SLC35F3: variants seen among roughly 807,000 people sequenced by gnomAD.
SLC35F3 encodes putative thiamine transporter SLC35F3.
SLC35F3 carries 25 observed loss-of-function variants against 49.9 expected under a neutral mutation model. The ratio of observed to expected loss-of-function variants is 0.50; its 90% CI spans 0.37 to 0.70. The LOEUF is 0.70. SLC35F3 is among the 30% of genes least tolerant of loss of function. The pLI, the probability that SLC35F3 is intolerant of heterozygous loss-of-function variation, is 0.00. For synonymous variants in SLC35F3, 275 were observed against 265.4 expected (o/e 1.04, Z -0.35); for missense variants, 525 against 639.8 (o/e 0.82, Z 1.94).
intron 2 of SLC35F3, among the ~76,000 whole-genome samples, chr1:234,068,738 G>T (rs1022012059): frequency 1.4e-5 from 2 of 146,796 alleles, no homozygotes; most frequent in South Asian, 4.3e-4. Context: ...CTTGCAGACC[G>T]CTGTAAATGC....
intron 2 of SLC35F3, among the ~76,000 whole-genome samples, chr1:233,960,488 G>C (rs1016341106): frequency 2.6e-5 from 4 of 152,152 alleles, no homozygotes; most frequent in African/African-American, 9.7e-5. Context: ...TGTCTCACTG[G>C]GCAGAAATCC....
intron 2 of SLC35F3, among the ~76,000 whole-genome samples, chr1:234,080,143 C>A (rs1231213135): frequency 6.6e-6 from 1 of 152,150 alleles, no homozygotes; most frequent in Non-Finnish European, 1.5e-5. Context: ...CACTTAATCA[C>A]CCATGGCTAA....
At chr1:234,117,456 G>A (rs1053767338) in intron 2 of SLC35F3, among the ~76,000 whole-genome samples, 5 of 152,066 alleles carry the variant, frequency 3.3e-5, no homozygotes, top group Admixed American at 1.3e-4. Context: ...GCTGGGTATG[G>A]TGGCACACCC....
chr1:234,148,718 A>G (rs1356812314), intron 2 of SLC35F3, among the ~76,000 whole-genome samples: 1 of 152,260 alleles, frequency 6.6e-6, no homozygotes, highest in Non-Finnish European at 1.5e-5. Context: ...CAGGGAGACC[A>G]GTTATAAATT....
chr1:234,062,834 C>T (rs372493931), intron 2 of SLC35F3, among the ~76,000 whole-genome samples: 38 of 148,606 alleles, frequency 2.6e-4, no homozygotes, highest in African/African-American at 5.0e-4. Context: ...GTGCCCACCA[C>T]GCCTGGCTAA....
chr1:234,295,047 G>A (rs888612902), intron 3 of SLC35F3, among the ~76,000 whole-genome samples: 1 of 152,246 alleles, frequency 6.6e-6, no homozygotes, highest in African/African-American at 2.4e-5. Flanking sequence ...CAGATGCAGA[G>A]AAATGTCATG....
At chr1:234,144,697 T>C (rs1572068477) in intron 2 of SLC35F3, among the ~76,000 whole-genome samples, 1 of 152,240 alleles carries the variant, frequency 6.6e-6, no homozygotes, top group African/African-American at 2.4e-5. Flanking sequence ...ACTAAGATAC[T>C]TTGCTAGACT....
intron 2 of SLC35F3, among the ~76,000 whole-genome samples, chr1:234,068,949 ACTACATATAATATATAAAATTATATAAT>A (rs1390481939): frequency 5.3e-4 from 29 of 55,070 alleles, no homozygotes; most frequent in East Asian, 5.0e-3. Context: ...ATATAATTTT[ACTACATATAATATATAAAATTATATAAT>A]TTTACTACAT....
At position 233,910,253 on chromosome 1, in the gene SLC35F3, G is replaced by T. The variant is rs376458084; in HGVS notation, c.283+4495G>T. ...TGGGATGGACACCAATTAGGGAGGA[G>T]ATGGCTAGAGAAGGGATGAGGAGAA... On this transcript the variant is annotated intron_variant, in intron 2 of 7. Transcript: ENST00000366618. Among the ~76,000 whole-genome samples the T allele has an allele frequency of 3.9e-5, 6 of 152,308 alleles. No individual in the cohort carries two copies. The East Asian group carries it at 1.2e-3, about 29-fold the overall frequency.
chr1:233,948,031 T>A (rs12565301), intron 2 of SLC35F3, among the ~76,000 whole-genome samples: 14,808 of 148,994 alleles, frequency 0.099, 822 homozygotes, highest in East Asian at 0.16. Context: ...TTAGGAAAAA[T>A]TATTTAAAAA....
In SLC35F3 at chr1:234,085,060, G is replaced by A. The variant is rs146510072; in HGVS notation, c.284-146357G>A. ...AAAAGGCTGTGTATTGTATGATTCT[G>A]TTTATGTGAAATGTCTAAAATAGGC... On this transcript the variant is annotated intron_variant, in intron 2 of 7. Transcript: ENST00000366618. Among the ~76,000 whole-genome samples, 5 of 152,296 alleles carry A rather than the reference G, an allele frequency of 3.3e-5. No individual in the cohort carries two copies. In the East Asian group the frequency reaches 9.6e-4, roughly 29 times the overall value.
intron 2 of SLC35F3, among the ~76,000 whole-genome samples, chr1:234,180,176 G>T (rs766140697): frequency 3.3e-5 from 5 of 152,158 alleles, no homozygotes; most frequent in Non-Finnish European, 7.4e-5. Context: ...GCCTCAGGTG[G>T]TCATCTCCCC....
At chr1:234,126,367 AGTTACC>A (rs1485694758) in intron 2 of SLC35F3, among the ~76,000 whole-genome samples, 3 of 152,214 alleles carry the variant, frequency 2.0e-5, no homozygotes, top group African/African-American at 7.2e-5. Context: ...GAGAGATCTC[AGTTACC>A]GTTACCCAGT....
intron 2 of SLC35F3, among the ~76,000 whole-genome samples, chr1:234,045,991 A>G (rs891183396): frequency 4.6e-5 from 7 of 152,180 alleles, no homozygotes; most frequent in Non-Finnish European, 1.0e-4. Flanking sequence ...TTCAACTACA[A>G]TACTCCATTG....
chr1:234,139,730 A>G (rs1371397664), intron 2 of SLC35F3, among the ~76,000 whole-genome samples: 3 of 151,808 alleles, frequency 2.0e-5, no homozygotes, highest in Admixed American at 1.3e-4. Context: ...TGGGCGGATC[A>G]TGAGGTCAGG....
At chr1:234,287,159 A>G (rs1265777652) in intron 3 of SLC35F3, among the ~76,000 whole-genome samples, 1 of 152,188 alleles carries the variant, frequency 6.6e-6, no homozygotes, top group African/African-American at 2.4e-5. Flanking sequence ...TGATCAATCC[A>G]CTGCACTCCA....
At position 234,012,510 on chromosome 1, in the gene SLC35F3, T is replaced by A. The variant is rs531973921; in HGVS notation, c.283+106752T>A. 2.0e-5 allele frequency among the ~76,000 whole-genome samples: 3 copies of A among 152,368 alleles called. No homozygotes were observed. In the East Asian group the frequency reaches 5.8e-4, roughly 29 times the overall value. ...TTTCCAGGACAGAGGTCCCTGCGGC[T>A]TTCCGCAGTGCATTGTGCCCCTGGT... On this transcript the variant is annotated intron_variant, in intron 2 of 7. Coordinates refer to ENST00000366618, the MANE Select transcript of SLC35F3 (RefSeq NM_173508.4).
At chr1:234,038,353 C>T in intron 2 of SLC35F3, among the ~76,000 whole-genome samples, 1 of 150,270 alleles carries the variant, frequency 6.7e-6, no homozygotes. Flanking sequence ...TTTCTTAATC[C>T]AGTCTATCAT....
chr1:234,081,976 C>T (rs1475234045), intron 2 of SLC35F3, among the ~76,000 whole-genome samples: 3 of 124,672 alleles, frequency 2.4e-5, no homozygotes, highest in Non-Finnish European at 3.1e-5. Flanking sequence ...AGGATGGTCT[C>T]GATCTCCTGA....
Sources: gnomAD v4.1 joint callset for allele counts (sites outside exome capture counted in the v4.1 genomes callset) on GRCh38, gnomAD v4.1.1 for gene constraint, MANE v1.5 for transcripts, NCBI Gene and HGNC (gene_info 2026-07-23, HGNC 2026-07-21) for gene names.